TRIM2: variants seen among roughly 807,000 people sequenced by gnomAD.
TRIM2 encodes the protein tripartite motif containing 2.
TRIM2 carries 20 observed loss-of-function variants against 75.2 expected under a neutral mutation model. The ratio of observed to expected loss-of-function variants is 0.27; its 90% CI spans 0.19 to 0.39. The LOEUF (loss-of-function observed/expected upper bound fraction) is 0.39. Among genes scored for constraint, TRIM2 ranks in the 10% least tolerant of loss-of-function variants. The probability of loss-of-function intolerance (pLI) is 1.00; values close to 1 mark genes in which losing one functional copy is unlikely to be tolerated. For synonymous variants in TRIM2, 373 were observed against 388.3 expected (o/e 0.96, Z 0.46); for missense variants, 660 against 990.8 (o/e 0.67, Z 4.48).
At chr4:153,269,520 T>C (rs952935812) in intron 1 of TRIM2, among the ~76,000 whole-genome samples, 2 of 152,238 alleles carry the variant, frequency 1.3e-5, no homozygotes, top group Non-Finnish European at 2.9e-5. Flanking sequence ...GTTCTTTCTA[T>C]ATAGCTTTCA....
At chr4:153,193,194 C>T (rs1005227344) in intron 1 of TRIM2, among the ~76,000 whole-genome samples, 6 of 144,740 alleles carry the variant, frequency 4.1e-5, no homozygotes, top group African/African-American at 1.1e-4. Context: ...TGAAGTGTCG[C>T]GATCTCAGCT....
At chr4:153,207,935 G>A (rs1020229206) in intron 1 of TRIM2, among the ~76,000 whole-genome samples, 1 of 152,178 alleles carries the variant, frequency 6.6e-6, no homozygotes, top group Admixed American at 6.5e-5. Context: ...TGAGCTCCTT[G>A]CTGATCATGC....
chr4:153,276,347 A>G, intron 3 of TRIM2: 2 of 589,190 alleles, frequency 3.4e-6, no homozygotes, highest in Non-Finnish European at 6.0e-6. Flanking sequence ...TCCTTCACAC[A>G]TATTGTTGGT....
intron 1 of TRIM2, among the ~76,000 whole-genome samples, chr4:153,244,426 CTTCTTCTTCTTTTA>C (rs1560875722): frequency 0.021 from 2,210 of 104,298 alleles, 428 homozygotes; most frequent in African/African-American, 0.076. Context: ...TCTTCTTCTT[CTTCTTCTTCTTTTA>C]ATTAGAGAGG....
intron 3 of TRIM2, among the ~76,000 whole-genome samples, chr4:153,284,202 GTTTTTT>G (rs1253722606): frequency 6.9e-6 from 1 of 145,964 alleles, no homozygotes; most frequent in African/African-American, 2.6e-5. Flanking sequence ...TTTGTTTTTT[GTTTTTT>G]GGTTTTTTTT....
chr4:153,268,245 T>C (rs1286154704), intron 1 of TRIM2, among the ~76,000 whole-genome samples: 1 of 152,240 alleles, frequency 6.6e-6, no homozygotes, highest in African/African-American at 2.4e-5. Flanking sequence ...TTCAGACTCT[T>C]GCAGCCAGAG....
intron 1 of TRIM2, among the ~76,000 whole-genome samples, chr4:153,249,687 G>A (rs548373965): frequency 6.6e-6 from 1 of 152,292 alleles, no homozygotes; most frequent in East Asian, 1.9e-4. Flanking sequence ...GGAGACTCCC[G>A]AACTCTTAAA....
chr4:153,307,059 T>C (rs541470731), intron 6 of TRIM2, among the ~76,000 whole-genome samples: 1 of 152,292 alleles, frequency 6.6e-6, no homozygotes, highest in Admixed American at 6.5e-5. Flanking sequence ...CCACTGTGAG[T>C]GAGTTATTAC....
intron 1 of TRIM2, among the ~76,000 whole-genome samples, chr4:153,213,564 G>T (rs1378669292): frequency 1.3e-5 from 2 of 152,066 alleles, no homozygotes; most frequent in Non-Finnish European, 1.5e-5. Flanking sequence ...GTCTCGCTCT[G>T]TCGCCCAGGC....
chr4:153,205,029 A>T (rs1035786137), intron 1 of TRIM2, among the ~76,000 whole-genome samples: 1 of 152,212 alleles, frequency 6.6e-6, no homozygotes, highest in African/African-American at 2.4e-5. Flanking sequence ...TGCATGTTAT[A>T]AATAGGTCTA....
chr4:153,237,524 C>A (rs1578802425), intron 1 of TRIM2, among the ~76,000 whole-genome samples: 1 of 151,970 alleles, frequency 6.6e-6, no homozygotes, highest in African/African-American at 2.4e-5. Flanking sequence ...ACTGAAAATA[C>A]AAAAAATTAG....
At chr4:153,328,497 TA>T in intron 10 of TRIM2, 32 bp from the exon 11 acceptor site, 1 of 1,572,998 alleles carries the variant, frequency 6.4e-7, no homozygotes, top group Non-Finnish European at 8.6e-7. Flanking sequence ...TATTTTGATG[TA>T]AAACAAAATA....
At chr4:153,308,834 T>C (rs1421476039) in intron 6 of TRIM2, 1 of 394,450 alleles carries the variant, frequency 2.5e-6, no homozygotes, top group Admixed American at 3.4e-5. Flanking sequence ...TATATTATTT[T>C]ATGCCCCTCT....
In TRIM2 at chr4:153,286,783, T is replaced by A. The variant is rs553912336; in HGVS notation, c.454-6199T>A. Among the ~76,000 whole-genome samples, 51 of 85,874 alleles carry A rather than the reference T, an allele frequency of 5.9e-4. No individual in the cohort carries two copies. In the South Asian group the frequency reaches 0.019, roughly 32 times the overall value. 56.3% of individuals were successfully genotyped at this position (85,874 alleles called of 152,430 possible). A position where few individuals can be genotyped will look rare whatever the true frequency, so the allele number is the denominator to read the frequency against. On this transcript the variant is annotated intron_variant, in intron 3 of 11. Transcript: ENST00000338700. ...ACCCCGCACCCCCCCACCATCTCAC[T>A]CTCTCTCTCTCTCTGGTCAGTCTAA...
At chr4:153,277,542 T>C (rs1265579124) in intron 3 of TRIM2, among the ~76,000 whole-genome samples, 1 of 152,224 alleles carries the variant, frequency 6.6e-6, no homozygotes, top group African/African-American at 2.4e-5. Flanking sequence ...AGTCAATAAA[T>C]ATTTGTTGAA....
At chr4:153,315,086 T>C (rs1242448577) in intron 6 of TRIM2, among the ~76,000 whole-genome samples, 1 of 152,194 alleles carries the variant, frequency 6.6e-6, no homozygotes, top group Non-Finnish European at 1.5e-5. Flanking sequence ...GGGCTGAGAA[T>C]GTTTATTGCC....
At chr4:153,240,087 G>A (rs1215263622) in intron 1 of TRIM2, among the ~76,000 whole-genome samples, 2 of 152,080 alleles carry the variant, frequency 1.3e-5, no homozygotes, top group Non-Finnish European at 2.9e-5. Flanking sequence ...ACCCGTCTCA[G>A]CCTCCCAAAA....
intron 1 of TRIM2, among the ~76,000 whole-genome samples, chr4:153,244,384 C>CT (rs1748216592): frequency 1.4e-5 from 1 of 70,984 alleles, no homozygotes; most frequent in African/African-American, 1.0e-4. Context: ...TCTTCTTCTT[C>CT]TTCTTCTTCT....
intron 6 of TRIM2, among the ~76,000 whole-genome samples, chr4:153,314,399 G>T (rs932433695): frequency 1.6e-4 from 20 of 122,932 alleles, no homozygotes; most frequent in African/African-American, 6.8e-4. Context: ...CAGCCTGGGC[G>T]ACAGAGCGAG....
Sources: allele counts gnomAD v4.1 joint callset (sites outside exome capture counted in the v4.1 genomes callset), GRCh38; gene constraint gnomAD v4.1.1; transcripts MANE v1.5; gene names NCBI Gene and HGNC (gene_info 2026-07-23, HGNC 2026-07-21).